The following ATP9A variants were observed in gnomAD, a reference collection of about 807,000 sequenced individuals.
ATP9A encodes ATPase phospholipid transporting 9A.
In ATP9A, 52 loss-of-function variants were observed where a neutral mutation model predicts 144.1. The ratio of observed to expected loss-of-function variants is 0.36; its 90% confidence interval spans 0.29 to 0.45. The LOEUF (loss-of-function observed/expected upper bound fraction) is 0.45. ATP9A is among the 20% of genes least tolerant of loss of function. The probability of loss-of-function intolerance (pLI) is 1.00; values close to 1 mark genes in which losing one functional copy is unlikely to be tolerated. For missense variants in ATP9A, 947 were observed against 1,392.7 expected (o/e 0.68, Z 5.09); for synonymous variants, 582 against 557.4 (o/e 1.04, Z -0.62).
At position 51,671,116 on chromosome 20, in the gene ATP9A, T is replaced by C. The variant is rs377542101; in HGVS notation, c.1179A>G (p.Thr393=). ...GRISYLLTDK[T]GTLTQNEMIF... is the part of the protein sequence containing the mutation. ...CGCAGGTCCCAGAAAGCAGCTCACC[T>C]GTCTTGTCTGTGAGTAAGTACGAAA... Residue 393 remains threonine (T), a splice_region_variant and synonymous_variant, in exon 12 of 28, where the codon ACA becomes ACG. Transcript: ENST00000338821. 3.1e-6 allele frequency: 5 copies of C among 1,612,526 alleles called. No homozygotes were observed. In the African/African-American group the frequency reaches 5.3e-5, roughly 17 times the overall value.
chr20:51,744,270 ATCCTCCCATGTCAGCC>A (rs1191421354), intron 1 of ATP9A, among the ~76,000 whole-genome samples: 1 of 151,860 alleles, frequency 6.6e-6, no homozygotes. Flanking sequence ...GGCTCAAGTG[ATCCTCCCATGTCAGCC>A]TCCTGAGTAG....
chr20:51,735,316 A>G (rs1489661994), intron 1 of ATP9A, among the ~76,000 whole-genome samples: 1 of 151,812 alleles, frequency 6.6e-6, no homozygotes, highest in Non-Finnish European at 1.5e-5. Flanking sequence ...AAGAGGACAT[A>G]CATGCAGGGA....
intron 15 of ATP9A, among the ~76,000 whole-genome samples, chr20:51,631,143 C>T (rs1353469261): frequency 6.6e-6 from 1 of 152,228 alleles, no homozygotes; most frequent in Admixed American, 6.5e-5. Context: ...GCAGCCCTTT[C>T]ATGGAACAGA....
chr20:51,643,024 T>C (rs907383840), intron 14 of ATP9A, among the ~76,000 whole-genome samples: 5 of 152,188 alleles, frequency 3.3e-5, no homozygotes, highest in African/African-American at 1.2e-4. Flanking sequence ...CTATTTCTCA[T>C]TTCTGCTCCA....
At chr20:51,658,516 CTTTTTTTTTTT>C (rs35371153) in intron 13 of ATP9A, among the ~76,000 whole-genome samples, 1 of 106,890 alleles carries the variant, frequency 9.4e-6, no homozygotes, top group Non-Finnish European at 1.8e-5. Flanking sequence ...CCTATGCTTC[CTTTTTTTTTTT>C]TTTTTTTTTG....
intron 9 of ATP9A, among the ~76,000 whole-genome samples, chr20:51,684,403 T>C (rs2077513140): frequency 6.6e-6 from 1 of 152,152 alleles, no homozygotes; most frequent in Admixed American, 6.5e-5. Context: ...ACACATATAT[T>C]TAAGAAAATA....
intron 14 of ATP9A, among the ~76,000 whole-genome samples, chr20:51,653,182 C>T (rs201227551): frequency 2.7e-5 from 4 of 146,386 alleles, no homozygotes; most frequent in African/African-American, 1.0e-4. Flanking sequence ...GAAAGTAGTT[C>T]TTTTTTTTTT....
chr20:51,622,730 CA>C (rs1183819142), intron 18 of ATP9A, among the ~76,000 whole-genome samples: 9 of 152,180 alleles, frequency 5.9e-5, no homozygotes, highest in Non-Finnish European at 1.5e-5. Flanking sequence ...TGACTTGCCC[CA>C]AACCACACAG....
intron 3 of ATP9A, among the ~76,000 whole-genome samples, chr20:51,718,018 A>G (rs1434556575): frequency 6.6e-6 from 1 of 152,090 alleles, no homozygotes; most frequent in Non-Finnish European, 1.5e-5. Context: ...TCCTCCTAAC[A>G]TGCATACCAA....
chr20:51,635,504 G>A (rs1253830529), intron 15 of ATP9A, among the ~76,000 whole-genome samples: 1 of 152,026 alleles, frequency 6.6e-6, no homozygotes, highest in Admixed American at 6.6e-5. Context: ...TTGGGAGGTC[G>A]AGATGGGAGG....
rs147701100 is a variant in ATP9A at position 51,607,472 on chromosome 20, C to T, written c.2803+55G>A. The T allele has an allele frequency of 4.9e-5, 72 of 1,457,378 alleles. No homozygotes were observed. In the African/African-American group the frequency reaches 8.0e-4, roughly 16 times the overall value. The allele number at this position is 1,457,378 out of a possible 1,614,324, so 90.3% of individuals were successfully genotyped here. Reference sequence around the variant, plus strand: ...TCTTGTTCTACAGGCAAGAAGGGGACACCCTGAGTCAGTACCAGAGCACAA... The same window carrying T: ...TCTTGTTCTACAGGCAAGAAGGGGATACCCTGAGTCAGTACCAGAGCACAA... On this transcript the variant is annotated intron_variant, in intron 26 of 27. Coordinates refer to ENST00000338821, the MANE Select transcript of ATP9A (RefSeq NM_006045.3).
chr20:51,761,216 G>C (rs1327992336), intron 1 of ATP9A, among the ~76,000 whole-genome samples: 1 of 152,142 alleles, frequency 6.6e-6, no homozygotes. Context: ...AACACTGCAG[G>C]TCCTAAATAA....
intron 19 of ATP9A, among the ~76,000 whole-genome samples, chr20:51,619,818 G>A (rs1461798212): frequency 2.2e-5 from 3 of 139,520 alleles, no homozygotes; most frequent in African/African-American, 8.1e-5. Context: ...GCGGTGAGCC[G>A]AGATCATGCC....
At chr20:51,689,209 A>G in intron 8 of ATP9A, 70 bp from the exon 9 acceptor site, 1 of 1,500,600 alleles carries the variant, frequency 6.7e-7, no homozygotes, top group East Asian at 2.3e-5. Context: ...TGCTTCTAGC[A>G]TGGTCCGCTG....
At chr20:51,650,902 TACAC>T (rs10666493) in intron 14 of ATP9A, among the ~76,000 whole-genome samples, 35 of 149,346 alleles carry the variant, frequency 2.3e-4, no homozygotes, top group East Asian at 2.2e-3. Flanking sequence ...ACATCACACA[TACAC>T]ACACACACAC....
chr20:51,610,015 G>A, intron 24 of ATP9A, 86 bp downstream of exon 24: 3 of 1,300,322 alleles, frequency 2.3e-6, no homozygotes, highest in Admixed American at 3.7e-5. Flanking sequence ...GGGAACCCAA[G>A]AATTTTTCCA....
At chr20:51,624,499 G>A (rs951467700) in intron 18 of ATP9A, among the ~76,000 whole-genome samples, 3 of 152,028 alleles carry the variant, frequency 2.0e-5, no homozygotes, top group East Asian at 1.9e-4. Context: ...ATGCTAATAC[G>A]ACAGTGTGAT....
Position 51,718,814 on chromosome 20 carries a change from C to CAAAAAAAAAAAAAAAAAAAAAAAAA in ATP9A, c.328-5765_328-5741dup, listed in dbSNP as rs71192550. Among the ~76,000 whole-genome samples, 22 of 57,692 alleles carry CAAAAAAAAAAAAAAAAAAAAAAAAA rather than the reference C, an allele frequency of 3.8e-4. 1 individual carries two copies. Among genetic ancestry groups the CAAAAAAAAAAAAAAAAAAAAAAAAA allele is most frequent in the Non-Finnish European group, 5.5e-4 (18 of 32,824 alleles). The allele number at this position is 57,692 out of a possible 152,430, so 37.8% of individuals were successfully genotyped here. A position where few individuals can be genotyped will look rare whatever the true frequency, so the allele number is the denominator to read the frequency against. On this transcript the variant is annotated intron_variant, in intron 3 of 27. Coordinates refer to ENST00000338821, the MANE Select transcript of ATP9A (RefSeq NM_006045.3). ...TGGGCAACAGAGCAAGACTCCATCT[C>CAAAAAAAAAAAAAAAAAAAAAAAAA]AAAAAAAAAAAAAAAAAAAAAAAAA... is the stretch of plus-strand genomic sequence containing the variant.
chr20:51,766,462 C>T (rs1035917714), intron 1 of ATP9A, among the ~76,000 whole-genome samples: 1 of 152,210 alleles, frequency 6.6e-6, no homozygotes, highest in African/African-American at 2.4e-5. Flanking sequence ...CTCCACTGAT[C>T]ATATTAATTC....
Sources: gnomAD v4.1 joint callset for allele counts (sites outside exome capture counted in the v4.1 genomes callset) on GRCh38, gnomAD v4.1.1 for gene constraint, MANE v1.5 for transcripts, NCBI Gene and HGNC (gene_info 2026-07-23, HGNC 2026-07-21) for gene names.